COBL: variants seen among roughly 807,000 people sequenced by gnomAD.
The protein encoded by COBL is protein cordon-bleu.
COBL carries 51 observed loss-of-function variants against 98.8 expected under a neutral mutation model. The observed-to-expected ratio is 0.52, with a 90% CI of 0.41 to 0.65. The LOEUF (loss-of-function observed/expected upper bound fraction) is 0.65, where lower values mean the gene tolerates loss of function less well. COBL is among the 30% of genes least tolerant of loss of function. The pLI is 0.00. For synonymous variants in COBL, 634 were observed against 651.7 expected (o/e 0.97, Z 0.41); for missense variants, 1,617 against 1,617.5 (o/e 1.00, Z 0.01).
At chr7:51,245,579 T>C (rs1168453234) in intron 1 of COBL, among the ~76,000 whole-genome samples, 2 of 152,212 alleles carry the variant, frequency 1.3e-5, no homozygotes, top group Non-Finnish European at 2.9e-5. Context: ...AGAAATGATA[T>C]ATAAAAATAT....
intron 1 of COBL, among the ~76,000 whole-genome samples, chr7:51,284,239 T>C (rs1183559686): frequency 6.6e-6 from 1 of 150,496 alleles, no homozygotes; most frequent in Non-Finnish European, 1.5e-5. Context: ...AGGCAGAGCT[T>C]GCAGTGAGCA....
intron 2 of COBL, among the ~76,000 whole-genome samples, chr7:51,219,353 T>C (rs1584216727): frequency 6.6e-6 from 1 of 152,218 alleles, no homozygotes; most frequent in South Asian, 2.1e-4. Flanking sequence ...ATGGTTAATT[T>C]AGGAGGCTGC....
intron 6 of COBL, among the ~76,000 whole-genome samples, chr7:51,114,362 G>T (rs1336393442): frequency 7.9e-6 from 1 of 125,886 alleles, no homozygotes. Context: ...TGGTTCTTAC[G>T]TACTCCAGAA....
In COBL at chr7:51,295,837, C is replaced by A. The variant is rs943472300; in HGVS notation, c.41+20756G>T. Among the ~76,000 whole-genome samples, 7 of 152,138 alleles carry A rather than the reference C, an allele frequency of 4.6e-5. No homozygotes were observed. The South Asian group carries it at 1.5e-3, about 32-fold the overall frequency. ...TCTGCACTTCTCCATACTTCTTTAC[C>A]CTCCTAAGTGATCAATGAAAATTTA... On this transcript the variant is annotated intron_variant, in intron 1 of 12. Coordinates refer to ENST00000265136, the MANE Select transcript of COBL (RefSeq NM_015198.5).
chr7:51,107,100 T>TTTTTTTTTTTTTTTTTTA (rs1796370085), intron 6 of COBL, among the ~76,000 whole-genome samples: 1 of 145,966 alleles, frequency 6.9e-6, no homozygotes, highest in African/African-American at 2.5e-5. Context: ...TTGTTTTTTT[T>TTTTTTTTTTTTTTTTTTA]TTTTTTTTTT....
intron 8 of COBL, among the ~76,000 whole-genome samples, chr7:51,037,977 T>C (rs1332060688): frequency 1.3e-5 from 2 of 152,058 alleles, no homozygotes; most frequent in East Asian, 1.9e-4. Flanking sequence ...TCAGCCTCCC[T>C]AGTAGCTGGG....
intron 1 of COBL, among the ~76,000 whole-genome samples, chr7:51,285,144 A>T (rs1274607010): frequency 2.0e-5 from 3 of 152,056 alleles, no homozygotes; most frequent in Admixed American, 6.5e-5. Context: ...ACAGGGTTTC[A>T]ACATCTTGGC....
chr7:51,149,637 C>T (rs1455494175), intron 5 of COBL, among the ~76,000 whole-genome samples: 1 of 152,182 alleles, frequency 6.6e-6, no homozygotes, highest in East Asian at 1.9e-4. Context: ...GACAGAGTCT[C>T]ACTGTGTCGC....
At chr7:51,285,219 A>C (rs1200221567) in intron 1 of COBL, among the ~76,000 whole-genome samples, 3 of 152,164 alleles carry the variant, frequency 2.0e-5, no homozygotes, top group Admixed American at 6.5e-5. Context: ...TGCTGGGATT[A>C]CAGGCATAAG....
At chr7:51,205,301 T>C (rs1042577330) in intron 2 of COBL, among the ~76,000 whole-genome samples, 1 of 152,196 alleles carries the variant, frequency 6.6e-6, no homozygotes, top group Non-Finnish European at 1.5e-5. Flanking sequence ...AGCATGGTAC[T>C]TGCAGAAAAT....
chr7:51,126,269 A>T (rs1798196143), intron 6 of COBL, among the ~76,000 whole-genome samples: 1 of 152,188 alleles, frequency 6.6e-6, no homozygotes, highest in African/African-American at 2.4e-5. Flanking sequence ...TGGAGCTTGC[A>T]GTGAGCCAGG....
chr7:51,017,036 C>G lies in COBL; in HGVS notation c.*515G>C, dbSNP rs1274987476. ...CCTAACAAAGCCACCTTTGAAAAGC[C>G]TCCCAATTTTTTTTTCTTACTACCA... On this transcript the variant is annotated 3_prime_UTR_variant, in exon 13 of 13. Coordinates refer to ENST00000265136, the MANE Select transcript of COBL (RefSeq NM_015198.5). The G allele has an allele frequency of 2.5e-6, 1 of 402,462 alleles. No homozygotes were observed. The highest frequency in any genetic ancestry group is 4.3e-5 in the Admixed American group (1 of 23,314). The allele number at this position is 402,462 out of a possible 1,614,324, so 24.9% of individuals were successfully genotyped here. A position where few individuals can be genotyped will look rare whatever the true frequency, so the allele number is the denominator to read the frequency against.
At chr7:51,051,920 T>C (rs1230558852) in intron 7 of COBL, among the ~76,000 whole-genome samples, 1 of 152,250 alleles carries the variant, frequency 6.6e-6, no homozygotes, top group East Asian at 1.9e-4. Flanking sequence ...TTTGTTGTTG[T>C]TGTTTTTAAG....
chr7:51,212,110 A>G (rs1444915392), intron 2 of COBL, among the ~76,000 whole-genome samples: 1 of 152,190 alleles, frequency 6.6e-6, no homozygotes, highest in Non-Finnish European at 1.5e-5. Context: ...TTAAGTGCTC[A>G]TAAGATAGAG....
intron 2 of COBL, among the ~76,000 whole-genome samples, chr7:51,207,493 G>T (rs1304177241): frequency 6.6e-6 from 1 of 152,196 alleles, no homozygotes. Context: ...GAAGCAGGAC[G>T]GTACTGCTGC....
At chr7:51,242,298 C>T (rs1374632767) in intron 1 of COBL, among the ~76,000 whole-genome samples, 2 of 152,226 alleles carry the variant, frequency 1.3e-5, no homozygotes, top group African/African-American at 2.4e-5. Flanking sequence ...GGTATTTAAA[C>T]CCCAGAAAAT....
intron 12 of COBL, among the ~76,000 whole-genome samples, chr7:51,024,417 G>A (rs1053937474): frequency 3.3e-5 from 5 of 152,304 alleles, no homozygotes; most frequent in Non-Finnish European, 7.3e-5. Context: ...GGGCAGGGAC[G>A]GAGGGTCAAT....
At chr7:51,146,972 T>C (rs917527006) in intron 5 of COBL, among the ~76,000 whole-genome samples, 1 of 152,142 alleles carries the variant, frequency 6.6e-6, no homozygotes, top group African/African-American at 2.4e-5. Flanking sequence ...ACCTTGGGCA[T>C]GGTGATGGGG....
intron 1 of COBL, among the ~76,000 whole-genome samples, chr7:51,228,992 C>T (rs1227143253): frequency 2.0e-5 from 3 of 152,176 alleles, no homozygotes; most frequent in East Asian, 3.8e-4. Context: ...AGAAAACTTA[C>T]TGATTCCCAA....
Sources: gnomAD v4.1 joint callset for allele counts (sites outside exome capture counted in the v4.1 genomes callset) on GRCh38, gnomAD v4.1.1 for gene constraint, MANE v1.5 for transcripts, NCBI Gene and HGNC (gene_info 2026-07-23, HGNC 2026-07-21) for gene names.